Variants in KSR1 observed in about 807,000 individuals in gnomAD.
The protein encoded by KSR1 is kinase suppressor of ras 1, also known as kinase suppressor of ras.
In KSR1, 35 loss-of-function variants were observed where a neutral mutation model predicts 92.9. The ratio of observed to expected loss-of-function variants is 0.38; its 90% CI spans 0.29 to 0.50. The LOEUF (loss-of-function observed/expected upper bound fraction) is 0.50. Among genes scored for constraint, KSR1 ranks in the 20% least tolerant of loss-of-function variants. KSR1 has a pLI of 0.94. For missense variants in KSR1, 972 were observed against 1,158.5 expected, an observed-to-expected ratio of 0.84 and a Z score of 2.34; for synonymous variants, 467 against 472.6, an observed-to-expected ratio of 0.99 and a Z score of 0.15.
intron 1 of KSR1, among the ~76,000 whole-genome samples, chr17:27,481,233 T>A (rs1169574043): frequency 5.9e-5 from 9 of 152,140 alleles, no homozygotes; most frequent in Admixed American, 5.9e-4. Flanking sequence ...CATACTGCTG[T>A]GAGTTACTGC....
intron 1 of KSR1, among the ~76,000 whole-genome samples, chr17:27,545,251 C>G (rs1384848976): frequency 6.6e-6 from 1 of 152,210 alleles, no homozygotes; most frequent in Admixed American, 6.5e-5. Flanking sequence ...GGAAGCTGTC[C>G]TGGCTTTTGA....
chr17:27,607,142 A>G (rs959059241), intron 14 of KSR1, among the ~76,000 whole-genome samples: 2 of 152,204 alleles, frequency 1.3e-5, no homozygotes, highest in African/African-American at 4.8e-5. Context: ...TGAAACAGGA[A>G]AATATTCATT....
chr17:27,485,072 A>C (rs75349691), intron 1 of KSR1, among the ~76,000 whole-genome samples: 1 of 152,168 alleles, frequency 6.6e-6, no homozygotes, highest in Non-Finnish European at 1.5e-5. Context: ...CTGGCTTCCT[A>C]TACCTGGCCC....
chr17:27,500,152 T>C (rs923599854), intron 1 of KSR1, among the ~76,000 whole-genome samples: 2 of 152,172 alleles, frequency 1.3e-5, no homozygotes, highest in Middle Eastern at 3.2e-3. Flanking sequence ...AGCAAGCTTA[T>C]AAAGAGTGCA....
At chr17:27,608,557 AC>A (rs2073827599) in intron 15 of KSR1, among the ~76,000 whole-genome samples, 1 of 152,196 alleles carries the variant, frequency 6.6e-6, no homozygotes, top group Admixed American at 6.5e-5. Context: ...GAAATCACCC[AC>A]TGCCACCTCT....
At chr17:27,570,732 C>T (rs879853759) in intron 2 of KSR1, among the ~76,000 whole-genome samples, 2 of 152,180 alleles carry the variant, frequency 1.3e-5, no homozygotes, top group Non-Finnish European at 2.9e-5. Flanking sequence ...GCCTCCTGAA[C>T]ACAGCCGTGC....
Position 27,605,562 on chromosome 17 carries a change from G to A in KSR1, c.1743G>A (p.Leu581=), listed in dbSNP as rs559874002. 35 of 1,595,236 alleles carry A rather than the reference G, an allele frequency of 2.2e-5. No homozygotes were observed. In the East Asian group the frequency reaches 7.3e-4, roughly 33 times the overall value. The change falls in exon 14 of 21, where the codon CTG becomes CTA. Residue 581 remains leucine (L), a synonymous_variant. Coordinates refer to ENST00000644974, the MANE Select transcript of KSR1 (RefSeq NM_001394583.1). The part of the protein sequence containing the change: ...SRKASQTSVY[L]QEWDIPFEQV... ...AGGCCAGCCAGACCAGCGTGTACCT[G>A]CAGGAGTGGGACATCCCCTTCGAGC...
chr17:27,532,394 C>T (rs547650183), intron 1 of KSR1, among the ~76,000 whole-genome samples: 15 of 152,304 alleles, frequency 9.8e-5, no homozygotes, highest in South Asian at 4.1e-4. Flanking sequence ...TGTTGTCCTG[C>T]GCGGCAGAGC....
intron 1 of KSR1, among the ~76,000 whole-genome samples, chr17:27,507,368 G>C (rs182283929): frequency 1.3e-5 from 2 of 152,068 alleles, no homozygotes; most frequent in East Asian, 3.9e-4. Flanking sequence ...GGGAGGTGGA[G>C]GTTGCAGTGA....
At chr17:27,504,644 A>G (rs2069310486) in intron 1 of KSR1, among the ~76,000 whole-genome samples, 1 of 152,180 alleles carries the variant, frequency 6.6e-6, no homozygotes, top group Admixed American at 6.5e-5. Flanking sequence ...GAGGGACTCC[A>G]TGAGGGAGGA....
In KSR1 at chr17:27,626,088, G is replaced by C. The variant is rs996174890; in HGVS notation, c.*2696G>C. The C allele has an allele frequency of 6.6e-6, 1 of 152,268 alleles. No individual in the cohort carries two copies. The highest frequency in any genetic ancestry group is 2.4e-5 in the African/African-American group (1 of 41,456). 9.4% of individuals were successfully genotyped at this position (152,268 alleles called of 1,614,324 possible). A position where few individuals can be genotyped will look rare whatever the true frequency, so the allele number is the denominator to read the frequency against. On this transcript the variant is annotated 3_prime_UTR_variant, in exon 21 of 21. Coordinates refer to ENST00000644974, the MANE Select transcript of KSR1 (RefSeq NM_001394583.1). ...AAGCCCTGGAAACCTGTGTTATTCTGTGTTGATTTGGTGTGGGGGGAGGGT... is the reference window on the plus strand; with the variant it reads ...AAGCCCTGGAAACCTGTGTTATTCTCTGTTGATTTGGTGTGGGGGGAGGGT...
chr17:27,458,462 C>G (rs1368754235), intron 1 of KSR1, among the ~76,000 whole-genome samples: 1 of 152,122 alleles, frequency 6.6e-6, no homozygotes, highest in Non-Finnish European at 1.5e-5. Context: ...CTCCTGGCTT[C>G]CAGAGTGTGT....
At chr17:27,622,110 C>T (rs2074240227) in intron 20 of KSR1, 1 of 645,386 alleles carries the variant, frequency 1.5e-6, no homozygotes, top group African/African-American at 1.8e-5. Context: ...AAAACTGGCC[C>T]TCTGCCCTCT....
rs556557871 is a variant in KSR1, at chr17:27,596,573, C to G, written c.1300-695C>G. 2.4e-4 allele frequency among the ~76,000 whole-genome samples: 36 copies of G among 152,330 alleles called. 1 individual carries two copies. The highest frequency in any genetic ancestry group is 6.8e-3 in the Middle Eastern group (2 of 294). On this transcript the variant is annotated intron_variant, in intron 9 of 20. Coordinates refer to ENST00000644974, the MANE Select transcript of KSR1 (RefSeq NM_001394583.1). The stretch of plus-strand genomic sequence containing the variant: ...TCCTGTGGTCATCTTCTAGAAAGTT[C>G]TTTCTAGCTCCAGAATTCTTACCCC...
intron 1 of KSR1, among the ~76,000 whole-genome samples, chr17:27,467,012 C>T (rs181695789): frequency 6.6e-6 from 1 of 152,346 alleles, no homozygotes; most frequent in Non-Finnish European, 1.5e-5. Flanking sequence ...TTGTGCCTGG[C>T]CCCCTTGTTA....
chr17:27,543,696 C>T lies in KSR1; in HGVS notation c.232-6872C>T, dbSNP rs563225434. 5.3e-5 allele frequency among the ~76,000 whole-genome samples: 8 copies of T among 152,256 alleles called. No homozygotes were observed. The South Asian group carries it at 6.2e-4, about 12-fold the overall frequency. ...TGAGGCTGATCAGGATGCCAGGTTA[C>T]GGGTGCAGATGTTCCTTTGGGCAAG... On this transcript the variant is annotated intron_variant, in intron 1 of 20. Coordinates refer to ENST00000644974, the MANE Select transcript of KSR1 (RefSeq NM_001394583.1).
intron 1 of KSR1, among the ~76,000 whole-genome samples, chr17:27,490,025 T>C (rs2068775460): frequency 6.6e-6 from 1 of 152,234 alleles, no homozygotes; most frequent in South Asian, 2.1e-4. Flanking sequence ...TACCTGTGTG[T>C]GTGCTCAGAC....
At chr17:27,609,735 A>T in intron 16 of KSR1, 1 of 337,314 alleles carries the variant, frequency 3.0e-6, no homozygotes, top group Non-Finnish European at 5.5e-6. Flanking sequence ...AGCCCCAGCC[A>T]AGTTTGAGAT....
intron 14 of KSR1, 94 bp from the exon 15 acceptor site, chr17:27,607,820 C>A: frequency 3.4e-6 from 3 of 875,610 alleles, no homozygotes; most frequent in Non-Finnish European, 3.7e-6. Flanking sequence ...TCCTTGCAGG[C>A]AGACGGGCAC....
Sources: allele counts gnomAD v4.1 joint callset (sites outside exome capture counted in the v4.1 genomes callset), GRCh38; gene constraint gnomAD v4.1.1; transcripts MANE v1.5; gene names NCBI Gene and HGNC (gene_info 2026-07-23, HGNC 2026-07-21).